TTC28: variants seen among roughly 807,000 people sequenced by gnomAD.
The protein encoded by TTC28 is tetratricopeptide repeat domain 28.
A neutral mutation model predicts 198.0 loss-of-function variants in TTC28; 61 were observed. The ratio of observed to expected loss-of-function variants is 0.31; its 90% CI spans 0.25 to 0.38. The LOEUF is 0.38. Among genes scored for constraint, TTC28 ranks in the 10% least tolerant of loss-of-function variants. The pLI is 1.00. For missense variants in TTC28, 2,678 were observed against 3,164.0 expected, an observed-to-expected ratio of 0.85 and a Z score of 3.69; for synonymous variants, 1,171 against 1,297.8, an observed-to-expected ratio of 0.90 and a Z score of 2.10.
At position 28,475,935 on chromosome 22, in the gene TTC28, A is replaced by C. The variant is rs545486253; in HGVS notation, c.381+153617T>G. Among the ~76,000 whole-genome samples the C allele has an allele frequency of 4.6e-5, 7 of 152,234 alleles. No individual in the cohort carries two copies. In the South Asian group the frequency reaches 1.5e-3, roughly 32 times the overall value. ...GTTTTTTTCCTACAATAATTGCAAA[A>C]ATTTCTGCTTTGAATGAAATTAGTC... On this transcript the variant is annotated intron_variant, in intron 2 of 22. Coordinates refer to ENST00000397906, the MANE Select transcript of TTC28 (RefSeq NM_001145418.2).
At chr22:27,990,974 GA>G (rs1937380829) in intron 19 of TTC28, among the ~76,000 whole-genome samples, 162 bp from the exon 20 acceptor site, 1 of 152,210 alleles carries the variant, frequency 6.6e-6, no homozygotes, top group South Asian at 2.1e-4. Context: ...GTCAGCAGGG[GA>G]CACACAGGAG....
At chr22:28,430,569 T>C (rs1379706195) in intron 2 of TTC28, among the ~76,000 whole-genome samples, 2 of 152,158 alleles carry the variant, frequency 1.3e-5, no homozygotes, top group African/African-American at 4.8e-5. Flanking sequence ...TAGTCAAATG[T>C]GGGCTTATGC....
At chr22:28,331,567 AATCT>A (rs1417384336) in intron 2 of TTC28, among the ~76,000 whole-genome samples, 2 of 152,128 alleles carry the variant, frequency 1.3e-5, no homozygotes, top group African/African-American at 2.4e-5. Flanking sequence ...ACAGATACAT[AATCT>A]ATCCATCAAT....
At chr22:28,433,001 T>C (rs564429825) in intron 2 of TTC28, among the ~76,000 whole-genome samples, 1 of 152,276 alleles carries the variant, frequency 6.6e-6, no homozygotes, top group South Asian at 2.1e-4. Context: ...GTCACTATGG[T>C]CTTGATGTTT....
intron 2 of TTC28, among the ~76,000 whole-genome samples, chr22:28,375,934 T>C (rs1455458117): frequency 1.3e-5 from 2 of 152,222 alleles, no homozygotes; most frequent in Non-Finnish European, 2.9e-5. Context: ...CAGTGCCCCT[T>C]AGGTTCTTAG....
intron 2 of TTC28, among the ~76,000 whole-genome samples, chr22:28,423,818 T>C (rs1368321577): frequency 1.3e-5 from 2 of 152,288 alleles, no homozygotes; most frequent in Non-Finnish European, 2.9e-5. Flanking sequence ...TGATATGAGG[T>C]TGCTGGGGAG....
intron 22 of TTC28, 33 bp downstream of exon 22, chr22:27,985,216 T>C (rs1241397656): frequency 6.7e-7 from 1 of 1,493,670 alleles, no homozygotes; most frequent in South Asian, 1.2e-5. Context: ...TGGCAGGCCC[T>C]GGTGGAGAAC....
At chr22:28,303,750 A>C (rs1029700663) in intron 3 of TTC28, 6 of 152,824 alleles carry the variant, frequency 3.9e-5, no homozygotes, top group African/African-American at 1.4e-4. Flanking sequence ...AGGATTACAA[A>C]ACAGGCTGGT....
chr22:28,165,755 A>G (rs1001131044), intron 5 of TTC28, among the ~76,000 whole-genome samples: 2 of 152,240 alleles, frequency 1.3e-5, no homozygotes, highest in Non-Finnish European at 2.9e-5. Context: ...CCAGGCTAGG[A>G]AGAAACTGCA....
At chr22:28,347,943 G>C (rs1211418368) in intron 2 of TTC28, among the ~76,000 whole-genome samples, 1 of 152,222 alleles carries the variant, frequency 6.6e-6, no homozygotes, top group African/African-American at 2.4e-5. Context: ...GTGGGGTTTT[G>C]GCATCTCCCT....
At chr22:27,986,848 G>A (rs1937233055) in intron 21 of TTC28, among the ~76,000 whole-genome samples, 2 of 152,160 alleles carry the variant, frequency 1.3e-5, no homozygotes, top group Non-Finnish European at 2.9e-5. Context: ...AAAGTAAACA[G>A]CCCCTGAAAG....
intron 12 of TTC28, among the ~76,000 whole-genome samples, chr22:28,067,003 C>T (rs1463470226): frequency 1.3e-5 from 2 of 152,200 alleles, no homozygotes; most frequent in Non-Finnish European, 2.9e-5. Context: ...CCTGACTGAG[C>T]CCTCCCTAAA....
chr22:28,395,680 T>C (rs1163529024), intron 2 of TTC28, among the ~76,000 whole-genome samples: 1 of 150,294 alleles, frequency 6.7e-6, no homozygotes, highest in Admixed American at 6.6e-5. Context: ...ATTGTTACTG[T>C]GTATTTATAT....
intron 2 of TTC28, among the ~76,000 whole-genome samples, chr22:28,365,642 C>A (rs2046235334): frequency 6.6e-6 from 1 of 152,180 alleles, no homozygotes; most frequent in South Asian, 2.1e-4. Context: ...ATCTTGTTCT[C>A]TTTGGTGAAG....
At chr22:28,366,157 T>C (rs5752729) in intron 2 of TTC28, among the ~76,000 whole-genome samples, 15 of 152,028 alleles carry the variant, frequency 9.9e-5, no homozygotes, top group Non-Finnish European at 1.6e-4. Flanking sequence ...CATTTAACTA[T>C]GTAAAGAAAC....
At chr22:28,575,880 T>C (rs1487192687) in intron 2 of TTC28, among the ~76,000 whole-genome samples, 1 of 152,186 alleles carries the variant, frequency 6.6e-6, no homozygotes, top group African/African-American at 2.4e-5. Flanking sequence ...ACTGAATTTA[T>C]CAGTTCTAAT....
intron 2 of TTC28, among the ~76,000 whole-genome samples, chr22:28,626,129 G>A (rs1476146910): frequency 2.0e-5 from 3 of 151,908 alleles, no homozygotes; most frequent in Non-Finnish European, 4.4e-5. Context: ...TCTTAAATAG[G>A]ACATAAAAAG....
intron 19 of TTC28, 192 bp downstream of exon 19, chr22:27,992,395 A>G (rs1937447849): frequency 1.6e-6 from 1 of 621,384 alleles, no homozygotes; most frequent in Non-Finnish European, 2.8e-6. Flanking sequence ...GGCATCGCAG[A>G]TGGAAACAGC....
At chr22:28,475,730 T>C (rs1240111762) in intron 2 of TTC28, among the ~76,000 whole-genome samples, 1 of 152,232 alleles carries the variant, frequency 6.6e-6, no homozygotes, top group East Asian at 1.9e-4. Context: ...AAATGTACTT[T>C]AAGTAAATTA....
Sources: allele counts gnomAD v4.1 joint callset (sites outside exome capture counted in the v4.1 genomes callset), GRCh38; gene constraint gnomAD v4.1.1; transcripts MANE v1.5; gene names NCBI Gene and HGNC (gene_info 2026-07-23, HGNC 2026-07-21).